SND1: variants seen among roughly 807,000 people sequenced by gnomAD.
SND1 encodes staphylococcal nuclease domain-containing protein 1.
Under a neutral mutation model 121.7 loss-of-function variants are expected in SND1, and 38 were observed. The ratio of observed to expected loss-of-function variants is 0.31; its 90% CI spans 0.24 to 0.41. The LOEUF is 0.41. Among genes scored for constraint, SND1 ranks in the 10% least tolerant of loss-of-function variants. SND1 has a pLI of 1.00. For missense variants in SND1, 868 were observed against 1,184.6 expected (o/e 0.73, Z 3.92); for synonymous variants, 401 against 447.4 (o/e 0.90, Z 1.31).
rs137896855 is a variant in SND1 at position 127,821,678 on chromosome 7, G to A, written c.1242+14105G>A. Among the ~76,000 whole-genome samples the A allele has an allele frequency of 7.8e-3, 1,168 of 150,432 alleles. 8 individuals carry two copies. Among genetic ancestry groups the A allele is most frequent in the Non-Finnish European group, 0.013 (866 of 67,824 alleles). ...ATTTTTGTTTTATGTAACATAACTTGTTCTTTACATTTTAAAAATAGATGT... is the reference window on the plus strand; with the variant it reads ...ATTTTTGTTTTATGTAACATAACTTATTCTTTACATTTTAAAAATAGATGT... On this transcript the variant is annotated intron_variant, in intron 11 of 23. Coordinates refer to ENST00000354725, the MANE Select transcript of SND1 (RefSeq NM_014390.4).
intron 15 of SND1, among the ~76,000 whole-genome samples, chr7:127,947,314 C>T (rs554059576): frequency 1.6e-4 from 25 of 152,284 alleles, no homozygotes; most frequent in Non-Finnish European, 2.6e-4. Flanking sequence ...AGGATATTTG[C>T]ATATTTGCTG....
intron 9 of SND1, among the ~76,000 whole-genome samples, chr7:127,716,635 G>T (rs1184082973): frequency 2.0e-5 from 3 of 152,006 alleles, no homozygotes; most frequent in African/African-American, 7.2e-5. Flanking sequence ...CGTCATCTGG[G>T]AACAGTGATA....
At chr7:128,030,577 C>G in intron 16 of SND1, 1 of 1,606,224 alleles carries the variant, frequency 6.2e-7, no homozygotes, top group Non-Finnish European at 8.5e-7. Flanking sequence ...GTGAGGTAGA[C>G]GAACGGGAGC....
At chr7:127,963,928 T>G (rs1259032366) in intron 15 of SND1, among the ~76,000 whole-genome samples, 1 of 140,034 alleles carries the variant, frequency 7.1e-6, no homozygotes, top group Non-Finnish European at 1.5e-5. Context: ...GTTTCCTGAC[T>G]TTTTAATGAT....
At chr7:127,705,070 C>T (rs1796165507) in intron 8 of SND1, 125 bp downstream of exon 8, 2 of 759,284 alleles carry the variant, frequency 2.6e-6, no homozygotes, top group Non-Finnish European at 4.6e-6. Flanking sequence ...AGGAGTAGGG[C>T]AGTTCCTTAT....
intron 14 of SND1, among the ~76,000 whole-genome samples, chr7:127,920,795 G>T (rs894084970): frequency 7.1e-6 from 1 of 141,048 alleles, no homozygotes; most frequent in Non-Finnish European, 1.5e-5. Context: ...TCTTATTTCC[G>T]CCCTTTTTAC....
At chr7:128,050,979 T>C (rs1278323562) in intron 16 of SND1, among the ~76,000 whole-genome samples, 1 of 152,210 alleles carries the variant, frequency 6.6e-6, no homozygotes, top group African/African-American at 2.4e-5. Context: ...GCTGGGCCCA[T>C]GCGAGTGGCA....
At chr7:127,802,679 C>G (rs927886339) in intron 10 of SND1, among the ~76,000 whole-genome samples, 1 of 152,126 alleles carries the variant, frequency 6.6e-6, no homozygotes, top group Non-Finnish European at 1.5e-5. Context: ...TTGCTGGGTC[C>G]AAACTCCATG....
At chr7:127,811,115 G>A (rs1225289811) in intron 11 of SND1, among the ~76,000 whole-genome samples, 1 of 152,172 alleles carries the variant, frequency 6.6e-6, no homozygotes, top group Non-Finnish European at 1.5e-5. Context: ...AGCCTCATTT[G>A]TAAACTAACA....
intron 10 of SND1, among the ~76,000 whole-genome samples, chr7:127,762,026 G>A (rs779143652): frequency 5.9e-5 from 9 of 152,178 alleles, no homozygotes; most frequent in Non-Finnish European, 1.3e-4. Flanking sequence ...TAATATGGTG[G>A]AAGGAGTTTT....
At chr7:128,074,813 G>C in intron 17 of SND1, 123 bp downstream of exon 17, 1 of 979,468 alleles carries the variant, frequency 1.0e-6, no homozygotes, top group South Asian at 1.7e-5. Context: ...GGAAGGTGTT[G>C]GTCTCAGACC....
intron 1 of SND1, among the ~76,000 whole-genome samples, chr7:127,681,847 C>G (rs747764215): frequency 6.6e-6 from 1 of 152,142 alleles, no homozygotes; most frequent in Non-Finnish European, 1.5e-5. Flanking sequence ...CATCAGATGT[C>G]TGCCCTTGTT....
At position 127,702,515 on chromosome 7, in the gene SND1, T is replaced by G. The variant is rs756509190; in HGVS notation, c.670T>G (p.Ser224Ala). ...TTACTACCTGGTTACAGTCATGCTG[T>G]CAGGCATCAAGGTCAGACCATACTC... ...PDYYLVTVMLSGIKCPTFRRE... is the reference protein window; with the variant it reads ...PDYYLVTVMLAGIKCPTFRRE... The change falls in exon 6 of 24, where the codon TCA becomes GCA. Residue 224 changes from serine to alanine, a missense_variant. Coordinates refer to ENST00000354725, the MANE Select transcript of SND1 (RefSeq NM_014390.4). 1 of 1,613,974 alleles carries G rather than the reference T, an allele frequency of 6.2e-7. No individual in the cohort carries two copies. The highest frequency in any genetic ancestry group is 8.5e-7 in the Non-Finnish European group (1 of 1,179,874).
chr7:128,023,852 A>G (rs570938135), intron 16 of SND1, among the ~76,000 whole-genome samples: 38 of 152,348 alleles, frequency 2.5e-4, no homozygotes, highest in South Asian at 1.0e-3. Flanking sequence ...TGTGAGATCT[A>G]TGTCACACAC....
At chr7:127,805,262 A>G (rs766749397) in intron 10 of SND1, among the ~76,000 whole-genome samples, 45 of 152,090 alleles carry the variant, frequency 3.0e-4, no homozygotes, top group African/African-American at 1.1e-3. Context: ...AAAGATTTTC[A>G]TGTTTACGGT....
chr7:127,881,744 A>T (rs938182083), intron 12 of SND1, among the ~76,000 whole-genome samples: 1 of 151,962 alleles, frequency 6.6e-6, no homozygotes, highest in African/African-American at 2.4e-5. Context: ...AATGGAAACA[A>T]TTTTTTTTGT....
At chr7:127,847,021 A>G (rs949043096) in intron 12 of SND1, among the ~76,000 whole-genome samples, 1 of 152,054 alleles carries the variant, frequency 6.6e-6, no homozygotes, top group African/African-American at 2.4e-5. Context: ...TAATCCCAGC[A>G]CTTTGGGAGG....
At chr7:127,875,832 A>G (rs1309906924) in intron 12 of SND1, among the ~76,000 whole-genome samples, 2 of 152,118 alleles carry the variant, frequency 1.3e-5, no homozygotes, top group Non-Finnish European at 2.9e-5. Flanking sequence ...TTTTCAGATT[A>G]TAGGTTGGAC....
chr7:127,735,639 T>G (rs6946292), intron 10 of SND1, among the ~76,000 whole-genome samples: 36,512 of 152,028 alleles, frequency 0.24, 4,882 homozygotes, highest in African/African-American at 0.36. Flanking sequence ...TGTTGTTGTT[T>G]TTTTGGAGAC....
Sources: allele counts gnomAD v4.1 joint callset (sites outside exome capture counted in the v4.1 genomes callset), GRCh38; gene constraint gnomAD v4.1.1; transcripts MANE v1.5; gene names NCBI Gene and HGNC (gene_info 2026-07-23, HGNC 2026-07-21).